UGT1A5: variants seen among roughly 807,000 people sequenced by gnomAD.
The protein encoded by UGT1A5 is UDP-glucuronosyltransferase 1A5.
In UGT1A5, 29 loss-of-function variants were observed where a neutral mutation model predicts 40.3. The ratio of observed to expected loss-of-function variants is 0.72; its 90% confidence interval spans 0.54 to 0.98. The LOEUF (loss-of-function observed/expected upper bound fraction) is 0.98, where lower values mean the gene tolerates loss of function less well. Ranked by LOEUF, UGT1A5 falls within the 50% of genes least tolerant of loss-of-function variation. UGT1A5 has a pLI of 0.00. For missense variants in UGT1A5, 678 were observed against 677.9 expected, an observed-to-expected ratio of 1.00 and a Z score of 0.00; for synonymous variants, 257 against 262.5, an observed-to-expected ratio of 0.98 and a Z score of 0.20.
intron 1 of UGT1A5, chr2:233,743,631 G>A: frequency 7.3e-7 from 1 of 1,367,310 alleles, no homozygotes; most frequent in South Asian, 1.1e-5. Flanking sequence ...ACGTCGGCTG[G>A]GTCGCGGAAG....
intron 1 of UGT1A5, chr2:233,761,265 GC>G: frequency 2.5e-6 from 4 of 1,595,896 alleles, no homozygotes; most frequent in Non-Finnish European, 3.4e-6. Context: ...AATTTAAAAT[GC>G]CCTCTTTTGT....
chr2:233,730,485 A>C (rs879945186), intron 1 of UGT1A5, among the ~76,000 whole-genome samples: 5 of 152,208 alleles, frequency 3.3e-5, no homozygotes, highest in Non-Finnish European at 7.3e-5. Context: ...CTCACATGAA[A>C]TAGAAGTGTC....
intron 1 of UGT1A5, among the ~76,000 whole-genome samples, chr2:233,748,848 A>G (rs1037972949): frequency 6.6e-6 from 1 of 151,534 alleles, no homozygotes; most frequent in Non-Finnish European, 1.5e-5. Flanking sequence ...CTGTGAGCGT[A>G]TAAGCCCAGT....
intron 1 of UGT1A5, among the ~76,000 whole-genome samples, chr2:233,745,501 T>A (rs1359317730): frequency 1.3e-5 from 2 of 151,666 alleles, no homozygotes; most frequent in Non-Finnish European, 2.9e-5. Flanking sequence ...TAAGATTTCC[T>A]ATAGGGTATT....
In UGT1A5 at chr2:233,772,305, C is replaced by T. The variant is rs201427749; in HGVS notation, c.1351C>T (p.Arg451Cys). Reference protein sequence around the residue: ...IMRLSSLHKDRPVEPLDLAVF... With the variant: ...IMRLSSLHKDCPVEPLDLAVF... Reference sequence around the variant, plus strand: ...GCGCCTCTCCAGCCTTCACAAGGACCGCCCGGTGGAGCCGCTGGACCTGGC... The same window carrying T: ...GCGCCTCTCCAGCCTTCACAAGGACTGCCCGGTGGAGCCGCTGGACCTGGC... Residue 451 changes from arginine to cysteine, a missense_variant, in exon 5 of 5, where the codon CGC (arginine) becomes TGC (cysteine). Physicochemically the swap from Arg to Cys is radical, Grantham distance 180. Transcript: ENST00000373414. 2.9e-5 allele frequency: 47 copies of T among 1,614,194 alleles called. No individual in the cohort carries two copies. Among genetic ancestry groups the T allele is most frequent in the Middle Eastern group, 1.6e-4 (1 of 6,062 alleles).
intron 1 of UGT1A5, chr2:233,722,014 C>G (rs2076986422): frequency 3.9e-6 from 1 of 254,156 alleles, no homozygotes; most frequent in Non-Finnish European, 7.9e-6. Context: ...AACAGGAAAA[C>G]TGAAACCTCT....
intron 1 of UGT1A5, chr2:233,753,490 A>T (rs1695218587): frequency 6.6e-6 from 1 of 152,072 alleles, no homozygotes. Context: ...GCTGCTCTTA[A>T]TTTTTTTCAG....
chr2:233,758,308 C>G (rs1190172459), intron 1 of UGT1A5, among the ~76,000 whole-genome samples: 1 of 152,214 alleles, frequency 6.6e-6, no homozygotes. Flanking sequence ...TCCAGGTACA[C>G]AGCAGAAGCA....
chr2:233,748,482 T>G (rs1174810693), intron 1 of UGT1A5, among the ~76,000 whole-genome samples: 1 of 151,838 alleles, frequency 6.6e-6, no homozygotes, highest in African/African-American at 2.4e-5. Flanking sequence ...AAATTACAAT[T>G]GTTAATGTGA....
rs753056825 is a variant in UGT1A5 at position 233,767,178 on chromosome 2, T to C, written c.999+13T>C. 16 of 1,614,056 alleles carry C rather than the reference T, an allele frequency of 9.9e-6. No homozygotes were observed. Among genetic ancestry groups the C allele is most frequent in the Non-Finnish European group, 1.4e-5 (16 of 1,180,000 alleles). On this transcript the variant is annotated intron_variant, in intron 2 of 4. Coordinates refer to ENST00000373414, the MANE Select transcript of UGT1A5 (RefSeq NM_019078.2). ...AATCCCTCAGACAGTAAGAAGATTCTATACCATGGCCTCATATCTATTTTC... is the reference window on the plus strand; with the variant it reads ...AATCCCTCAGACAGTAAGAAGATTCCATACCATGGCCTCATATCTATTTTC...
intron 1 of UGT1A5, among the ~76,000 whole-genome samples, chr2:233,719,871 A>G (rs2076809902): frequency 6.6e-6 from 1 of 152,230 alleles, no homozygotes; most frequent in African/African-American, 2.4e-5. Context: ...TGAGAGGAAG[A>G]AGAGGCACGG....
intron 1 of UGT1A5, among the ~76,000 whole-genome samples, chr2:233,759,764 A>G (rs1348961231): frequency 6.6e-6 from 1 of 152,112 alleles, no homozygotes; most frequent in Non-Finnish European, 1.5e-5. Context: ...GACTCAATAA[A>G]TATTGTTGGA....
intron 1 of UGT1A5, among the ~76,000 whole-genome samples, chr2:233,737,837 G>A (rs2125811418): frequency 6.6e-6 from 1 of 152,130 alleles, no homozygotes; most frequent in South Asian, 2.1e-4. Flanking sequence ...GGGAACTGTG[G>A]CACAGGTCAC....
Position 233,769,813 on chromosome 2 carries a change from C to A in UGT1A5, c.1307+1374C>A. 2.1e-6 allele frequency: 2 copies of A among 945,300 alleles called. No individual in the cohort carries two copies. The highest frequency in any genetic ancestry group is 2.9e-6 in the Non-Finnish European group (2 of 681,442). 58.6% of individuals were successfully genotyped at this position (945,300 alleles called of 1,614,324 possible). On this transcript the variant is annotated intron_variant, in intron 4 of 4. Coordinates refer to ENST00000373414, the MANE Select transcript of UGT1A5 (RefSeq NM_019078.2). This position sits in a 1 kb window ranked among gnomAD's most constrained non-coding sequence, Gnocchi z 4.4. ...GAGGCTGCTATGAGCCGTGATCATG[C>A]CACTGCACTCCAGCAACCTGGGCAA...
Position 233,713,191 on chromosome 2 carries a change from T to C in UGT1A5, c.200T>C (p.Met67Thr). The C allele has an allele frequency of 6.2e-7, 1 of 1,614,204 alleles. No homozygotes were observed. Among genetic ancestry groups the C allele is most frequent in the Non-Finnish European group, 8.5e-7 (1 of 1,180,026 alleles). ...QVVVLTLEVN[M>T]YIKEENFFTL... ...GTGGTCCTCACCCTGGAGGTGAATA[T>C]GTACATCAAAGAAGAGAACTTTTTC... Residue 67 changes from methionine (M) to threonine (T), a missense_variant, in exon 1 of 5, where the codon ATG (methionine) becomes ACG (threonine). Coordinates refer to ENST00000373414, the MANE Select transcript of UGT1A5 (RefSeq NM_019078.2).
intron 1 of UGT1A5, chr2:233,747,431 A>C (rs184446696): frequency 1.0e-4 from 161 of 1,608,566 alleles, no homozygotes; most frequent in Middle Eastern, 1.7e-4. Flanking sequence ...AACAAGAGAA[A>C]TTTTTCACCC....
At chr2:233,719,461 T>C (rs1219690957) in intron 1 of UGT1A5, 1 of 1,613,972 alleles carries the variant, frequency 6.2e-7, no homozygotes, top group Non-Finnish European at 8.5e-7. Context: ...GTCAAGAACA[T>C]GCTCTACCCT....
chr2:233,769,877 A>C lies in UGT1A5; in HGVS notation c.1307+1438A>C, dbSNP rs890697630. 4.7e-6 allele frequency: 2 copies of C among 421,450 alleles called. No homozygotes were observed. The highest frequency in any genetic ancestry group is 2.0e-5 in the African/African-American group (1 of 48,974). 26.1% of individuals were successfully genotyped at this position (421,450 alleles called of 1,614,324 possible). A position where few individuals can be genotyped will look rare whatever the true frequency, so the allele number is the denominator to read the frequency against. ...TGTCTCAAAAAAAAAAAAAAAAATG[A>C]AAAGTCCACATAACCTGAGCATCAT... is the stretch of plus-strand genomic sequence containing the variant. On this transcript the variant is annotated intron_variant, in intron 4 of 4. Transcript: ENST00000373414. This position sits in a 1 kb window ranked among gnomAD's most constrained non-coding sequence, Gnocchi z 4.4.
chr2:233,761,044 G>C (rs1697654904), intron 1 of UGT1A5: 3 of 1,614,190 alleles, frequency 1.9e-6, no homozygotes, highest in Non-Finnish European at 2.5e-6. Flanking sequence ...CTCTGCATCT[G>C]TCTGGCTGTT....
Sources: gnomAD v4.1 joint callset for allele counts (sites outside exome capture counted in the v4.1 genomes callset) on GRCh38, gnomAD v4.1.1 for gene constraint, Gnocchi (gnomAD v3.1) non-coding constraint, MANE v1.5 for transcripts, NCBI Gene and HGNC (gene_info 2026-07-23, HGNC 2026-07-21) for gene names.